The following RERE variants were observed in gnomAD, a reference collection of about 807,000 sequenced individuals.
The protein encoded by RERE is arginine-glutamic acid dipeptide repeats protein.
A neutral mutation model predicts 146.1 loss-of-function variants in RERE; 40 were observed. The ratio of observed to expected loss-of-function variants is 0.27; its 90% confidence interval spans 0.21 to 0.36. The LOEUF is 0.36. Among genes scored for constraint, RERE ranks in the 10% least tolerant of loss-of-function variants. The pLI is 1.00. For missense variants in RERE, 1,933 were observed against 2,138.7 expected (o/e 0.90, Z 1.90); for synonymous variants, 1,003 against 866.0 (o/e 1.16, Z -2.78).
In RERE at chr1:8,697,738, C is replaced by T. The variant is rs371461531; in HGVS notation, c.-144-41297G>A. Among the ~76,000 whole-genome samples the T allele has an allele frequency of 1.8e-4, 28 of 152,268 alleles. No homozygotes were observed. The East Asian group carries it at 2.1e-3, about 12-fold the overall frequency. On this transcript the variant is annotated intron_variant, in intron 1 of 22. Transcript: ENST00000400908. ...CTGGATAATGTTCTAAACTCTTTTT[C>T]TATGTTTTACATGTAACTTATGCAA...
At chr1:8,486,755 TAAAAAA>T (rs33956517) in intron 10 of RERE, among the ~76,000 whole-genome samples, 9 of 122,330 alleles carry the variant, frequency 7.4e-5, no homozygotes, top group African/African-American at 2.5e-4. Context: ...GAGTCCATCT[TAAAAAA>T]AAAAAAAAAA....
At chr1:8,563,620 C>G (rs1031878938) in intron 4 of RERE, among the ~76,000 whole-genome samples, 2 of 152,272 alleles carry the variant, frequency 1.3e-5, no homozygotes, top group Admixed American at 6.5e-5. Context: ...ATAACTTTGC[C>G]AAGTCAAAAC....
chr1:8,652,898 A>G (rs538021646), intron 2 of RERE, among the ~76,000 whole-genome samples: 1 of 152,238 alleles, frequency 6.6e-6, no homozygotes, highest in East Asian at 1.9e-4. Flanking sequence ...TTTCACTACA[A>G]TCATAGAGCA....
At chr1:8,719,268 A>G (rs1320237447) in intron 1 of RERE, among the ~76,000 whole-genome samples, 1 of 152,138 alleles carries the variant, frequency 6.6e-6, no homozygotes, top group African/African-American at 2.4e-5. Context: ...ATCAGTCACC[A>G]CTAGGGAGAG....
At chr1:8,624,519 A>G (rs929200578) in intron 2 of RERE, 139 bp from the exon 3 acceptor site, 10 of 596,970 alleles carry the variant, frequency 1.7e-5, no homozygotes, top group Admixed American at 3.1e-5. Flanking sequence ...AGATGATATT[A>G]AATTGCAAAT....
At chr1:8,373,977 C>A (rs1284125583) in intron 12 of RERE, among the ~76,000 whole-genome samples, 2 of 152,214 alleles carry the variant, frequency 1.3e-5, no homozygotes, top group Non-Finnish European at 2.9e-5. Context: ...CTAAAGGAGC[C>A]TGGCACTGTC....
intron 1 of RERE, among the ~76,000 whole-genome samples, chr1:8,772,032 AC>A (rs1640963737): frequency 1.3e-5 from 2 of 152,128 alleles, no homozygotes; most frequent in African/African-American, 2.4e-5. Flanking sequence ...ATGTACTGTC[AC>A]ATGTACATGT....
At chr1:8,590,566 G>A (rs1646480360) in intron 4 of RERE, among the ~76,000 whole-genome samples, 1 of 152,174 alleles carries the variant, frequency 6.6e-6, no homozygotes, top group Non-Finnish European at 1.5e-5. Flanking sequence ...CACCGGTCAT[G>A]TTCCCTCAAA....
intron 1 of RERE, among the ~76,000 whole-genome samples, chr1:8,760,769 A>G (rs1314588016): frequency 2.0e-5 from 3 of 152,218 alleles, no homozygotes; most frequent in Non-Finnish European, 4.4e-5. Context: ...AAATGAAAAC[A>G]AAACACTTTG....
In RERE at chr1:8,442,386, T is replaced by TAA. The variant is rs1322977351; in HGVS notation, c.1204-19581_1204-19580dup. Reference sequence around the variant, plus strand: ...CAAGTGACAGAGCAAGACTCCATCTTAAAAAAAAAAAAAAAAAAAGCTTAT... The same window carrying TAA: ...CAAGTGACAGAGCAAGACTCCATCTTAAAAAAAAAAAAAAAAAAAAAGCTTAT... On this transcript the variant is annotated intron_variant, in intron 11 of 22. Coordinates refer to ENST00000400908, the MANE Select transcript of RERE (RefSeq NM_001042681.2). Among the ~76,000 whole-genome samples the TAA allele has an allele frequency of 7.1e-3, 778 of 109,266 alleles. 9 individuals carry two copies. The highest frequency in any genetic ancestry group is 0.025 in the African/African-American group (723 of 29,350). The allele number at this position is 109,266 out of a possible 152,430, so 71.7% of individuals were successfully genotyped here. A position where few individuals can be genotyped will look rare whatever the true frequency, so the allele number is the denominator to read the frequency against.
Position 8,356,059 on chromosome 1 carries a change from C to A in RERE, c.4486+41G>T. 1 of 1,459,492 alleles carries A rather than the reference C, an allele frequency of 6.9e-7. No homozygotes were observed. Among genetic ancestry groups the A allele is most frequent in the Non-Finnish European group, 9.0e-7 (1 of 1,108,078 alleles). The allele number at this position is 1,459,492 out of a possible 1,614,324, so 90.4% of individuals were successfully genotyped here. On this transcript the variant is annotated intron_variant, in intron 21 of 22. Coordinates refer to ENST00000400908, the MANE Select transcript of RERE (RefSeq NM_001042681.2). The surrounding 1 kb of genome is among the most constrained non-coding windows in gnomAD (Gnocchi z 5.2). ...CAGCAGACCAGACCCCAACCCAACC[C>A]TCACACGGCCTCCCCGCCCCTCCTG...
At chr1:8,577,098 G>A (rs879764286) in intron 4 of RERE, among the ~76,000 whole-genome samples, 4 of 151,910 alleles carry the variant, frequency 2.6e-5, no homozygotes, top group Non-Finnish European at 5.9e-5. Context: ...GAACCCGGGA[G>A]GCGGAGGTTG....
At chr1:8,563,134 G>C (rs1448904376) in intron 4 of RERE, among the ~76,000 whole-genome samples, 1 of 152,206 alleles carries the variant, frequency 6.6e-6, no homozygotes, top group African/African-American at 2.4e-5. Flanking sequence ...CCCAAACACA[G>C]ACACAGGGTC....
intron 11 of RERE, among the ~76,000 whole-genome samples, chr1:8,462,769 T>C (rs534154349): frequency 2.6e-5 from 4 of 152,324 alleles, no homozygotes; most frequent in African/African-American, 4.8e-5. Flanking sequence ...TAGCCAGGCA[T>C]TGTGGCTTGC....
At chr1:8,410,527 G>A (rs946895353) in intron 12 of RERE, among the ~76,000 whole-genome samples, 2 of 152,174 alleles carry the variant, frequency 1.3e-5, no homozygotes, top group Admixed American at 6.5e-5. Context: ...AAGGCGGCCC[G>A]AAAAATGGAA....
intron 1 of RERE, among the ~76,000 whole-genome samples, chr1:8,807,411 G>C (rs1272062385): frequency 6.6e-6 from 1 of 152,068 alleles, no homozygotes; most frequent in Non-Finnish European, 1.5e-5. Flanking sequence ...CAGTCCCAGG[G>C]ACTATACTGA....
In RERE at chr1:8,656,010, G is replaced by C; in HGVS notation, c.288C>G (p.Ser96=). Residue 96 remains serine (S), a synonymous_variant, in exon 2 of 23, where the codon TCC becomes TCG. Transcript: ENST00000400908. ...AGACCACATCATCTTCAGTGATGTA[G>C]GATGTTATCTCACCGGTATCTGTCC... ...YERTDTGEIT[S]YITEDDVVYR... 1 of 1,614,144 alleles carries C rather than the reference G, an allele frequency of 6.2e-7. No individual in the cohort carries two copies. The highest frequency in any genetic ancestry group is 8.5e-7 in the Non-Finnish European group (1 of 1,180,018).
At chr1:8,585,338 A>G (rs1451607428) in intron 4 of RERE, among the ~76,000 whole-genome samples, 1 of 152,088 alleles carries the variant, frequency 6.6e-6, no homozygotes, top group Non-Finnish European at 1.5e-5. Context: ...ATCATATATA[A>G]TATTTCCCAG....
At chr1:8,807,097 G>A (rs1308287576) in intron 1 of RERE, 3 of 152,160 alleles carry the variant, frequency 2.0e-5, no homozygotes, top group Non-Finnish European at 4.4e-5. Context: ...TGTCTCCCAG[G>A]CTGGAAAGCA....
Sources: allele counts gnomAD v4.1 joint callset (sites outside exome capture counted in the v4.1 genomes callset), GRCh38; gene constraint gnomAD v4.1.1; non-coding constraint Gnocchi (gnomAD v3.1); transcripts MANE v1.5; gene names NCBI Gene and HGNC (gene_info 2026-07-23, HGNC 2026-07-21).